The following AGMO variants were observed in gnomAD, a reference collection of about 807,000 sequenced individuals.
AGMO encodes glyceryl-ether monooxygenase.
Under a neutral mutation model 60.2 loss-of-function variants are expected in AGMO, and 75 were observed. The ratio of observed to expected loss-of-function variants is 1.25; its 90% CI spans 1.03 to 1.51. The LOEUF is 1.51. Ranked by LOEUF, AGMO falls within the 40% of genes most tolerant of loss-of-function variation. AGMO has a pLI of 0.00. For missense variants in AGMO, 763 were observed against 525.5 expected (o/e 1.45, Z -4.42); for synonymous variants, 261 against 177.1 (o/e 1.47, Z -3.76).
chr7:15,526,219 G>A (rs903257149), intron 3 of AGMO, among the ~76,000 whole-genome samples: 1 of 152,146 alleles, frequency 6.6e-6, no homozygotes, highest in African/African-American at 2.4e-5. Flanking sequence ...GTCTCTAGCT[G>A]GCAAAGTGAC....
intron 3 of AGMO, among the ~76,000 whole-genome samples, chr7:15,531,108 A>G (rs183222749): frequency 0.032 from 792 of 24,652 alleles, 112 homozygotes; most frequent in African/African-American, 0.061. Context: ...TATATATTCT[A>G]TATATATTCT....
At chr7:15,492,793 G>A (rs779329405) in intron 3 of AGMO, among the ~76,000 whole-genome samples, 1 of 152,010 alleles carries the variant, frequency 6.6e-6, no homozygotes, top group African/African-American at 2.4e-5. Context: ...GAGAAAAAGG[G>A]GAAGGAAGAT....
At chr7:15,122,081 T>C in the AGMO span, among the ~76,000 whole-genome samples, 1 of 152,232 alleles carries the variant, frequency 6.6e-6, no homozygotes, top group South Asian at 2.1e-4. Context: ...CTAAAGAGCT[T>C]CTGCTCAGCA....
intron 3 of AGMO, among the ~76,000 whole-genome samples, chr7:15,531,429 T>A (rs1188149993): frequency 2.2e-5 from 1 of 45,234 alleles, no homozygotes; most frequent in Non-Finnish European, 3.4e-5. Context: ...ATATATATTC[T>A]ATATATATAT....
At chr7:15,313,640 T>C (rs1780831000) in intron 12 of AGMO, among the ~76,000 whole-genome samples, 1 of 152,064 alleles carries the variant, frequency 6.6e-6, no homozygotes, top group Non-Finnish European at 1.5e-5. Flanking sequence ...AGTAAACTCA[T>C]AGTAATATAA....
At position 15,493,362 on chromosome 7, in the gene AGMO, C is replaced by CACACACACACACACACACAT. The variant is rs71004386; in HGVS notation, c.409+51409_409+51410insATGTGTGTGTGTGTGTGTGT. 1.1e-3 allele frequency among the ~76,000 whole-genome samples: 111 copies of CACACACACACACACACACAT among 102,254 alleles called. 1 individual carries two copies. The highest frequency in any genetic ancestry group is 4.3e-3 in the African/African-American group (108 of 24,946). The allele number at this position is 102,254 out of a possible 152,430, so 67.1% of individuals were successfully genotyped here. On this transcript the variant is annotated intron_variant, in intron 3 of 12. Transcript: ENST00000342526. ...ACACACACACACACACACACACACA[C>CACACACACACACACACACAT]TTCTTTTTTTTTTTTTTTTTTTTTT...
the AGMO span, among the ~76,000 whole-genome samples, chr7:15,140,972 C>G: frequency 8.6e-5 from 13 of 152,016 alleles, no homozygotes; most frequent in Non-Finnish European, 1.9e-4. Flanking sequence ...TTTAGTTGAC[C>G]TTAGTCAACG....
chr7:15,395,290 A>G (rs952332246), intron 5 of AGMO, among the ~76,000 whole-genome samples: 1 of 152,214 alleles, frequency 6.6e-6, no homozygotes, highest in Non-Finnish European at 1.5e-5. Context: ...TATGACATTG[A>G]TATGAATTTG....
chr7:15,475,537 G>A (rs747946926), intron 3 of AGMO, among the ~76,000 whole-genome samples: 5 of 151,972 alleles, frequency 3.3e-5, no homozygotes, highest in Non-Finnish European at 7.4e-5. Context: ...ACTGGGGCCT[G>A]TCGGATGTGG....
chr7:15,439,369 C>T (rs1781488994), intron 3 of AGMO, among the ~76,000 whole-genome samples: 1 of 152,110 alleles, frequency 6.6e-6, no homozygotes, highest in Non-Finnish European at 1.5e-5. Flanking sequence ...TGCACTCCAG[C>T]CTGGTGACAG....
chr7:15,244,869 G>T lies in AGMO; in HGVS notation c.1264-43510C>A, dbSNP rs377085121. On this transcript the variant is annotated intron_variant, in intron 12 of 12. Coordinates refer to ENST00000342526, the MANE Select transcript of AGMO (RefSeq NM_001004320.2). ...GCGTTTCACCATGTTACTCAGGATG[G>T]TCTCGATCTCCTGACTTTGTGATCT... 3.0e-4 allele frequency among the ~76,000 whole-genome samples: 45 copies of T among 152,176 alleles called. No individual in the cohort carries two copies. The East Asian group carries it at 8.3e-3, about 28-fold the overall frequency.
intron 3 of AGMO, among the ~76,000 whole-genome samples, chr7:15,479,877 C>T (rs1782704203): frequency 6.6e-6 from 1 of 151,888 alleles, no homozygotes; most frequent in Non-Finnish European, 1.5e-5. Flanking sequence ...GGCTAGAATT[C>T]AAAGAAAGAA....
At chr7:15,551,044 TA>T (rs1466863538) in intron 2 of AGMO, among the ~76,000 whole-genome samples, 4 of 150,532 alleles carry the variant, frequency 2.7e-5, no homozygotes, top group Admixed American at 6.6e-5. Context: ...ATCCAGCATA[TA>T]AACAGAGCCA....
At chr7:15,369,437 A>T (rs1783114146) in intron 10 of AGMO, among the ~76,000 whole-genome samples, 2 of 152,118 alleles carry the variant, frequency 1.3e-5, no homozygotes, top group Admixed American at 1.3e-4. Context: ...AACATAAGCC[A>T]TGCCAGAAAT....
intron 12 of AGMO, among the ~76,000 whole-genome samples, chr7:15,357,718 G>A (rs908572710): frequency 2.0e-5 from 3 of 152,172 alleles, no homozygotes; most frequent in Non-Finnish European, 4.4e-5. Context: ...AAAACAGTGC[G>A]CTCCCTTGAC....
At chr7:15,449,591 T>C (rs562725918) in intron 3 of AGMO, among the ~76,000 whole-genome samples, 2 of 152,184 alleles carry the variant, frequency 1.3e-5, no homozygotes, top group Non-Finnish European at 2.9e-5. Context: ...CAATAGGCTA[T>C]ACTATATAGC....
chr7:15,292,436 A>G (rs1784291500), intron 12 of AGMO, among the ~76,000 whole-genome samples: 1 of 152,194 alleles, frequency 6.6e-6, no homozygotes, highest in Non-Finnish European at 1.5e-5. Flanking sequence ...AAAACGTAAG[A>G]TTGGTTCCAG....
intron 8 of AGMO, 79 bp downstream of exon 8, chr7:15,390,592 T>A: frequency 8.4e-7 from 1 of 1,187,368 alleles, no homozygotes; most frequent in Non-Finnish European, 1.2e-6. Context: ...CTTTCACTTT[T>A]CTACAGCTGA....
chr7:15,367,558 G>A (rs1309074062), intron 10 of AGMO, among the ~76,000 whole-genome samples: 1 of 152,028 alleles, frequency 6.6e-6, no homozygotes, highest in African/African-American at 2.4e-5. Context: ...AAATAGGCCT[G>A]CCTGATCACA....
Sources: allele counts gnomAD v4.1 joint callset (sites outside exome capture counted in the v4.1 genomes callset), GRCh38; gene constraint gnomAD v4.1.1; transcripts MANE v1.5; gene names NCBI Gene and HGNC (gene_info 2026-07-23, HGNC 2026-07-21).